POLE: variants seen among roughly 807,000 people sequenced by gnomAD.
POLE encodes the protein DNA polymerase epsilon, catalytic subunit.
In POLE, 188 loss-of-function variants were observed where a neutral mutation model predicts 279.2. The ratio of observed to expected loss-of-function variants is 0.67; its 90% CI spans 0.60 to 0.76. POLE has a LOEUF of 0.76. POLE is among the 30% of genes least tolerant of loss of function. The probability of loss-of-function intolerance (pLI) is 0.00; values close to 1 mark genes in which losing one functional copy is unlikely to be tolerated. For synonymous variants in POLE, 1,214 were observed against 1,172.5 expected, an observed-to-expected ratio of 1.04 and a Z score of -0.72; for missense variants, 2,703 against 3,016.7, an observed-to-expected ratio of 0.90 and a Z score of 2.44.
chr12:132,671,596 G>A (rs2042929240), intron 16 of POLE, among the ~76,000 whole-genome samples: 1 of 151,044 alleles, frequency 6.6e-6, no homozygotes, highest in South Asian at 2.1e-4. Context: ...TTGAACCCGG[G>A]AGGCAGAGGT....
In POLE at chr12:132,649,424, T is replaced by G. The variant is rs753107150; in HGVS notation, c.3887A>C (p.Glu1296Ala). 6.2e-7 allele frequency: 1 copy of G among 1,613,004 alleles called. No individual in the cohort carries two copies. The highest frequency in any genetic ancestry group is 1.1e-5 in the South Asian group (1 of 91,068). Residue 1296 changes from glutamate to alanine, a missense_variant, in exon 31 of 49, where the codon GAG becomes GCG. Coordinates refer to ENST00000320574, the MANE Select transcript of POLE (RefSeq NM_006231.4). ...RLARRKRQRL[E>A]SAEGVLRPGA... ...GGGCCTGAGCACACCCTCTGCCGACTCCAGACGCTGCCTCTTCCTGCGGGC... is the reference window on the plus strand; with the variant it reads ...GGGCCTGAGCACACCCTCTGCCGACGCCAGACGCTGCCTCTTCCTGCGGGC...
chr12:132,663,460 C>A (rs1286667429), intron 23 of POLE, among the ~76,000 whole-genome samples: 1 of 152,242 alleles, frequency 6.6e-6, no homozygotes, highest in Non-Finnish European at 1.5e-5. Flanking sequence ...AACAGACAAC[C>A]CCTGATCAAG....
intron 47 of POLE, 192 bp from the exon 48 acceptor site, chr12:132,625,186 C>A: frequency 1.5e-6 from 1 of 687,160 alleles, no homozygotes. Flanking sequence ...TTCCCTACAC[C>A]CACCCTCGCT....
chr12:132,641,513 C>G, intron 39 of POLE, 134 bp downstream of exon 39: 1 of 739,072 alleles, frequency 1.4e-6, no homozygotes. Context: ...AAACTCGCCA[C>G]ACAGTGGTCT....
intron 32 of POLE, 56 bp downstream of exon 32, chr12:132,648,873 G>A: frequency 1.9e-6 from 3 of 1,561,644 alleles, no homozygotes; most frequent in Non-Finnish European, 2.6e-6. Context: ...TAGATCATGG[G>A]AAAGCCACCT....
At chr12:132,666,942 CACAGCAGGGGCCGT>C (rs1229109011) in intron 20 of POLE, among the ~76,000 whole-genome samples, 1 of 152,106 alleles carries the variant, frequency 6.6e-6, no homozygotes, top group Non-Finnish European at 1.5e-5. Context: ...CAGGGGGCCG[CACAGCAGGGGCCGT>C]GCTGAGTCTA....
intron 21 of POLE, among the ~76,000 whole-genome samples, 177 bp downstream of exon 21, chr12:132,665,125 C>A (rs572929913): frequency 1.3e-5 from 2 of 152,106 alleles, no homozygotes; most frequent in Non-Finnish European, 2.9e-5. Context: ...TCAAAGTCAG[C>A]GTGGCCCCCA....
At chr12:132,670,648 G>A (rs866595057) in intron 16 of POLE, among the ~76,000 whole-genome samples, 3 of 151,360 alleles carry the variant, frequency 2.0e-5, no homozygotes, top group Non-Finnish European at 2.9e-5. Context: ...CCGCCACCAC[G>A]CCCGGCTAAT....
chr12:132,641,945 C>T, intron 38 of POLE, 94 bp from the exon 39 acceptor site: 2 of 1,243,856 alleles, frequency 1.6e-6, no homozygotes, highest in African/African-American at 1.5e-5. Flanking sequence ...ACCTCCAGAA[C>T]CAGCAACAGA....
Position 132,667,493 on chromosome 12 carries a change from C to CA in POLE, c.2319+9dup. On this transcript the variant is annotated intron_variant, in intron 20 of 48. Transcript: ENST00000320574. The stretch of plus-strand genomic sequence containing the variant: ...ACAGAGGCCAAAGCTTGCAGCCCCT[C>CA]AGAGCTCACCTTGTGGAGCCCTTTG... The CA allele has an allele frequency of 6.2e-7, 1 of 1,613,872 alleles. No individual in the cohort carries two copies. The highest frequency in any genetic ancestry group is 8.5e-7 in the Non-Finnish European group (1 of 1,179,748).
intron 29 of POLE, among the ~76,000 whole-genome samples, chr12:132,653,374 CA>C (rs2138634670): frequency 6.6e-6 from 1 of 152,070 alleles, no homozygotes; most frequent in Non-Finnish European, 1.5e-5. Context: ...GACCATGTCT[CA>C]AAAAGAAAAA....
At position 132,680,366 on chromosome 12, in the gene POLE, T is replaced by G. The variant is rs934340714; in HGVS notation, c.286-144A>C. ...CTTGGTAGCATACAGGAAGTCAGAA[T>G]GCGCACTTTTCACAGGGGCAAGAAT... On this transcript the variant is annotated intron_variant, in intron 3 of 48. Coordinates refer to ENST00000320574, the MANE Select transcript of POLE (RefSeq NM_006231.4). 39 of 770,038 alleles carry G rather than the reference T, an allele frequency of 5.1e-5. No homozygotes were observed. In the Admixed American group the frequency reaches 7.3e-4, roughly 14 times the overall value. 47.7% of individuals were successfully genotyped at this position (770,038 alleles called of 1,614,324 possible).
At chr12:132,678,049 A>G (rs1228446006) in intron 6 of POLE, among the ~76,000 whole-genome samples, 1 of 152,048 alleles carries the variant, frequency 6.6e-6, no homozygotes, top group Non-Finnish European at 1.5e-5. Context: ...GTGGTGGCGC[A>G]TGTCTGTAAC....
At chr12:132,673,435 C>T in intron 13 of POLE, 140 bp downstream of exon 13, 2 of 1,315,326 alleles carry the variant, frequency 1.5e-6, no homozygotes, top group Non-Finnish European at 2.1e-6. Context: ...ACACAGCCTG[C>T]TGGGTGGAGC....
rs147692158 is a variant in POLE at position 132,660,983 on chromosome 12, C to T, written c.3046G>A (p.Val1016Met). 1,636 of 1,611,244 alleles carry T rather than the reference C, an allele frequency of 1.0e-3. 1 individual carries two copies. Among genetic ancestry groups the T allele is most frequent in the Non-Finnish European group, 1.3e-3 (1,489 of 1,178,560 alleles). ...TAGGCCTTTACCTTGCTGTACAGCA[C>T]GTCCAGCCAGTAGTCAGCCACCTTG... ...VAKVADYWLD[V>M]LYSKAANMPD... The change falls in exon 25 of 49, where the codon GTG (valine) becomes ATG (methionine). Residue 1016 changes from valine (V) to methionine (M), a missense_variant. Val to Met is a conservative substitution (Grantham distance 21). Transcript: ENST00000320574.
At position 132,668,602 on chromosome 12, in the gene POLE, C is replaced by A. The variant is rs761944154; in HGVS notation, c.2026+33G>T. On this transcript the variant is annotated intron_variant, in intron 18 of 48. Transcript: ENST00000320574. The surrounding 1 kb of genome is among the most constrained non-coding windows in gnomAD (Gnocchi z 4.0). ...GGCCGACACTCACCCACCCGTTTCC[C>A]ACCGAGTGCCCACCCAGGCGGCCGA... The A allele has an allele frequency of 1.9e-6, 3 of 1,597,244 alleles. No homozygotes were observed. The highest frequency in any genetic ancestry group is 8.6e-7 in the Non-Finnish European group (1 of 1,166,600).
At chr12:132,635,387 C>T (rs1386424223) in intron 42 of POLE, among the ~76,000 whole-genome samples, 1 of 152,240 alleles carries the variant, frequency 6.6e-6, no homozygotes, top group African/African-American at 2.4e-5. Context: ...CCGGCTTTAC[C>T]TGCCTGTGCC....
In POLE at chr12:132,675,664, C is replaced by A. The variant is rs533125912; in HGVS notation, c.1106+71G>T. ...CCACCTCCTAAGTCGACATGGGAAG[C>A]GCCCCTGCACCACGCAACGCCCTCC... On this transcript the variant is annotated intron_variant, in intron 11 of 48. Transcript: ENST00000320574. The surrounding 1 kb of genome is among the most constrained non-coding windows in gnomAD (Gnocchi z 4.3). The A allele has an allele frequency of 1.3e-4, 199 of 1,551,772 alleles. No individual in the cohort carries two copies. The African/African-American group carries it at 2.2e-3, about 17-fold the overall frequency.
In POLE at chr12:132,676,658, G is replaced by A. The variant is rs376302620; in HGVS notation, c.802-5C>T. On this transcript the variant is annotated splice_region_variant and splice_polypyrimidine_tract_variant and intron_variant, in intron 8 of 48. Coordinates refer to ENST00000320574, the MANE Select transcript of POLE (RefSeq NM_006231.4). ...AAATGCCAAAACCACAGGGTCCTGT[G>A]GGGACAAAATAAGCATAAAGCCAAG... is the stretch of plus-strand genomic sequence containing the variant. 4 of 1,597,504 alleles carry A rather than the reference G, an allele frequency of 2.5e-6. No individual in the cohort carries two copies. The highest frequency in any genetic ancestry group is 3.4e-6 in the Non-Finnish European group (4 of 1,165,218).
Sources: gnomAD v4.1 joint callset for allele counts (sites outside exome capture counted in the v4.1 genomes callset) on GRCh38, gnomAD v4.1.1 for gene constraint, Gnocchi (gnomAD v3.1) non-coding constraint, MANE v1.5 for transcripts, NCBI Gene and HGNC (gene_info 2026-07-23, HGNC 2026-07-21) for gene names.